The following LARGE1 variants were observed in gnomAD, a reference collection of about 807,000 sequenced individuals.
LARGE1 encodes the protein LARGE xylosyl- and glucuronyltransferase 1.
In LARGE1, 43 loss-of-function variants were observed where a neutral mutation model predicts 87.6. The ratio of observed to expected loss-of-function variants is 0.49; its 90% CI spans 0.38 to 0.63. The LOEUF (loss-of-function observed/expected upper bound fraction) is 0.63. Among genes scored for constraint, LARGE1 ranks in the 30% least tolerant of loss-of-function variants. LARGE1 has a pLI of 0.00. For missense variants in LARGE1, 802 were observed against 1,000.2 expected (o/e 0.80, Z 2.67); for synonymous variants, 434 against 394.6 (o/e 1.10, Z -1.18).
chr22:33,201,978 A>G (rs1192560778), intron 11 of LARGE1, among the ~76,000 whole-genome samples: 1 of 152,122 alleles, frequency 6.6e-6, no homozygotes, highest in Non-Finnish European at 1.5e-5. Flanking sequence ...TCTACTAAAA[A>G]TACAAAAATT....
intron 2 of LARGE1, among the ~76,000 whole-genome samples, chr22:33,754,883 C>T (rs992600942): frequency 1.3e-5 from 2 of 152,134 alleles, no homozygotes; most frequent in African/African-American, 4.8e-5. Flanking sequence ...CTTCCCAGAC[C>T]TTCCAGCACA....
At chr22:33,670,745 T>A (rs1569358269) in intron 2 of LARGE1, among the ~76,000 whole-genome samples, 1 of 152,198 alleles carries the variant, frequency 6.6e-6, no homozygotes, top group Non-Finnish European at 1.5e-5. Context: ...GCCTGTCCAA[T>A]CTAATTCCAG....
At chr22:33,577,215 A>G (rs2078380834) in intron 5 of LARGE1, among the ~76,000 whole-genome samples, 1 of 152,224 alleles carries the variant, frequency 6.6e-6, no homozygotes, top group Non-Finnish European at 1.5e-5. Flanking sequence ...TGGTATTAAA[A>G]TCTCATGTTA....
At chr22:33,210,766 T>C (rs1924920980) in intron 11 of LARGE1, among the ~76,000 whole-genome samples, 1 of 152,222 alleles carries the variant, frequency 6.6e-6, no homozygotes, top group Non-Finnish European at 1.5e-5. Context: ...GGTGGACCTC[T>C]CTTCCCTCTC....
intron 7 of LARGE1, among the ~76,000 whole-genome samples, chr22:33,421,810 C>G (rs2066706488): frequency 6.6e-6 from 1 of 152,206 alleles, no homozygotes; most frequent in Admixed American, 6.5e-5. Context: ...AAGGCATTGT[C>G]TGCTTTCTTT....
intron 6 of LARGE1, among the ~76,000 whole-genome samples, chr22:33,542,753 C>T (rs1602339698): frequency 6.6e-6 from 1 of 151,800 alleles, no homozygotes. Context: ...ACACTGGGCC[C>T]ACCTACTCAA....
chr22:33,658,526 A>G (rs1201635404), intron 2 of LARGE1, among the ~76,000 whole-genome samples: 1 of 152,144 alleles, frequency 6.6e-6, no homozygotes, highest in African/African-American at 2.4e-5. Flanking sequence ...CTTATGAGTG[A>G]GAACATGCGA....
chr22:33,206,108 C>T (rs1404323543), intron 11 of LARGE1, among the ~76,000 whole-genome samples: 3 of 152,078 alleles, frequency 2.0e-5, no homozygotes, highest in Non-Finnish European at 4.4e-5. Flanking sequence ...GCGCCCGCCA[C>T]CACACCCGGC....
intron 6 of LARGE1, among the ~76,000 whole-genome samples, chr22:33,550,067 G>A (rs2077478078): frequency 6.6e-6 from 1 of 151,418 alleles, no homozygotes; most frequent in Non-Finnish European, 1.5e-5. Flanking sequence ...AATGGGTGCA[G>A]CAAACCAACA....
intron 11 of LARGE1, among the ~76,000 whole-genome samples, chr22:33,221,216 G>C (rs1047632541): frequency 4.0e-5 from 6 of 151,870 alleles, no homozygotes; most frequent in African/African-American, 7.3e-5. Flanking sequence ...TAAGCAAAAG[G>C]CTATTTCCAC....
At chr22:33,629,807 C>T (rs1220333751) in intron 3 of LARGE1, among the ~76,000 whole-genome samples, 1 of 152,036 alleles carries the variant, frequency 6.6e-6, no homozygotes, top group Non-Finnish European at 1.5e-5. Flanking sequence ...GGTCTTGGCT[C>T]ATGCCTGTGG....
intron 7 of LARGE1, among the ~76,000 whole-genome samples, chr22:33,427,412 C>G (rs2066916578): frequency 6.6e-6 from 1 of 152,144 alleles, no homozygotes; most frequent in African/African-American, 2.4e-5. Flanking sequence ...GTGGAAAGAT[C>G]TTCTCTAATG....
At chr22:33,689,214 T>C (rs923022334) in intron 2 of LARGE1, among the ~76,000 whole-genome samples, 22 of 151,854 alleles carry the variant, frequency 1.4e-4, no homozygotes, top group African/African-American at 4.8e-4. Flanking sequence ...CACATGTGTG[T>C]CAGGCTGGCT....
intron 10 of LARGE1, among the ~76,000 whole-genome samples, chr22:33,322,325 G>C (rs1335069573): frequency 1.3e-5 from 2 of 152,198 alleles, no homozygotes; most frequent in Non-Finnish European, 2.9e-5. Flanking sequence ...GATTTTCTGA[G>C]TGGTGGATTC....
chr22:33,510,206 T>C (rs566059830), intron 6 of LARGE1, among the ~76,000 whole-genome samples: 8 of 152,338 alleles, frequency 5.3e-5, no homozygotes, highest in African/African-American at 1.9e-4. Flanking sequence ...AGTCTAAACA[T>C]GCAAGTCTTA....
chr22:33,855,341 AT>A (rs1465462696), intron 1 of LARGE1, among the ~76,000 whole-genome samples: 65 of 152,238 alleles, frequency 4.3e-4, no homozygotes, highest in African/African-American at 1.3e-3. Flanking sequence ...CTCAAAAAAA[AT>A]AAATAAATAA....
intron 6 of LARGE1, among the ~76,000 whole-genome samples, chr22:33,509,292 T>TC (rs1468394038): frequency 6.6e-6 from 1 of 151,902 alleles, no homozygotes; most frequent in Non-Finnish European, 1.5e-5. Flanking sequence ...ATCAATACTC[T>TC]CCTTCAACCT....
At chr22:33,531,556 A>C (rs767325366) in intron 6 of LARGE1, among the ~76,000 whole-genome samples, 4 of 152,226 alleles carry the variant, frequency 2.6e-5, no homozygotes, top group African/African-American at 4.8e-5. Flanking sequence ...ATGCAGATTA[A>C]TTTACTGACT....
chr22:33,260,655 A>C (rs1927577144), intron 11 of LARGE1, among the ~76,000 whole-genome samples: 1 of 152,200 alleles, frequency 6.6e-6, no homozygotes, highest in Admixed American at 6.5e-5. Context: ...CAGTGAACCG[A>C]GAGCCTCCTT....
Sources: allele counts gnomAD v4.1 joint callset (sites outside exome capture counted in the v4.1 genomes callset), GRCh38; gene constraint gnomAD v4.1.1; transcripts MANE v1.5; gene names NCBI Gene and HGNC (gene_info 2026-07-23, HGNC 2026-07-21).